MIPOL1: variants seen among roughly 807,000 people sequenced by gnomAD.
The protein encoded by MIPOL1 is mirror-image polydactyly 1.
Under a neutral mutation model 60.9 loss-of-function variants are expected in MIPOL1, and 57 were observed. The ratio of observed to expected loss-of-function variants is 0.94; its 90% confidence interval spans 0.76 to 1.17. The LOEUF (loss-of-function observed/expected upper bound fraction) is 1.17, where lower values mean the gene tolerates loss of function less well. MIPOL1 is among the 50% of genes most tolerant of loss of function. The pLI is 0.00. For synonymous variants in MIPOL1, 179 were observed against 168.8 expected (o/e 1.06, Z -0.47); for missense variants, 551 against 511.6 (o/e 1.08, Z -0.74).
intron 12 of MIPOL1, among the ~76,000 whole-genome samples, chr14:37,543,197 T>C (rs1219417840): frequency 6.6e-6 from 1 of 152,248 alleles, no homozygotes; most frequent in Non-Finnish European, 1.5e-5. Context: ...ATGCATCTCC[T>C]TCTTTCCATC....
chr14:37,317,201 A>G lies in MIPOL1; in HGVS notation c.828+8682A>G, dbSNP rs563058633. 6.6e-5 allele frequency among the ~76,000 whole-genome samples: 10 copies of G among 152,290 alleles called. No individual in the cohort carries two copies. The South Asian group carries it at 2.1e-3, about 32-fold the overall frequency. ...AAAGGGAAGTTGGGGGTGCAGTGTCATTATTAAAATGTTAGATTAATTTAG... is the reference window on the plus strand; with the variant it reads ...AAAGGGAAGTTGGGGGTGCAGTGTCGTTATTAAAATGTTAGATTAATTTAG... On this transcript the variant is annotated intron_variant, in intron 9 of 12. Coordinates refer to ENST00000684589, the MANE Select transcript of MIPOL1 (RefSeq NM_001388067.1).
In MIPOL1 at chr14:37,232,354, A is replaced by C. The variant is rs368859897; in HGVS notation, c.-198-14749A>C. Among the ~76,000 whole-genome samples, 22 of 152,218 alleles carry C rather than the reference A, an allele frequency of 1.4e-4. No homozygotes were observed. The East Asian group carries it at 4.1e-3, about 28-fold the overall frequency. ...AGCTTAACTGTTTTCTTCACAGTGTACTCTCTGTCCCTTATTAGTATCTTG... is the reference window on the plus strand; with the variant it reads ...AGCTTAACTGTTTTCTTCACAGTGTCCTCTCTGTCCCTTATTAGTATCTTG... On this transcript the variant is annotated intron_variant, in intron 1 of 12. Coordinates refer to ENST00000684589, the MANE Select transcript of MIPOL1 (RefSeq NM_001388067.1).
chr14:37,463,414 T>C (rs1467990191), intron 11 of MIPOL1, among the ~76,000 whole-genome samples: 7 of 152,084 alleles, frequency 4.6e-5, no homozygotes, highest in Non-Finnish European at 8.8e-5. Context: ...AATAGACATA[T>C]AGATCAATGG....
At chr14:37,414,643 GT>G (rs1342238212) in intron 10 of MIPOL1, among the ~76,000 whole-genome samples, 1 of 151,944 alleles carries the variant, frequency 6.6e-6, no homozygotes, top group Non-Finnish European at 1.5e-5. Context: ...TTTCTTCTTT[GT>G]TTTTGCTGAT....
chr14:37,314,367 C>A (rs2087657353), intron 9 of MIPOL1, among the ~76,000 whole-genome samples: 1 of 152,086 alleles, frequency 6.6e-6, no homozygotes, highest in African/African-American at 2.4e-5. Flanking sequence ...AAGCCTATAC[C>A]AAGCACCAAG....
chr14:37,329,471 T>C (rs1198423112), intron 9 of MIPOL1, among the ~76,000 whole-genome samples: 1 of 152,192 alleles, frequency 6.6e-6, no homozygotes, highest in Non-Finnish European at 1.5e-5. Context: ...GTTGATACTT[T>C]GATTTGTCAT....
chr14:37,300,135 A>C lies in MIPOL1; in HGVS notation c.624-7921A>C, dbSNP rs372692390. 2.6e-5 allele frequency among the ~76,000 whole-genome samples: 4 copies of C among 151,422 alleles called. No homozygotes were observed. In the South Asian group the frequency reaches 8.3e-4, roughly 32 times the overall value. On this transcript the variant is annotated intron_variant, in intron 7 of 12. Coordinates refer to ENST00000684589, the MANE Select transcript of MIPOL1 (RefSeq NM_001388067.1). ...CATCTGGCCAAGATATGGTTTGCTA[A>C]GTTTCTCCACTGTAAAGTTACTTAC...
intron 1 of MIPOL1, among the ~76,000 whole-genome samples, chr14:37,237,709 T>C (rs1226074552): frequency 6.6e-6 from 1 of 152,202 alleles, no homozygotes; most frequent in African/African-American, 2.4e-5. Flanking sequence ...AGTTTTGATC[T>C]TAAGTAGTTA....
At chr14:37,243,988 C>T (rs1457356934) in intron 1 of MIPOL1, among the ~76,000 whole-genome samples, 1 of 151,008 alleles carries the variant, frequency 6.6e-6, no homozygotes, top group Non-Finnish European at 1.5e-5. Flanking sequence ...TTGGTGAGTG[C>T]ATGTAGGAAA....
At chr14:37,279,557 C>T (rs1404564014) in intron 6 of MIPOL1, among the ~76,000 whole-genome samples, 1 of 151,896 alleles carries the variant, frequency 6.6e-6, no homozygotes, top group African/African-American at 2.4e-5. Context: ...CACATCTAAC[C>T]TAATAGATGT....
chr14:37,390,616 A>T (rs538734423), intron 10 of MIPOL1, among the ~76,000 whole-genome samples: 1 of 152,242 alleles, frequency 6.6e-6, no homozygotes, highest in South Asian at 2.1e-4. Flanking sequence ...TATAAAACAA[A>T]TGGAAATCAA....
chr14:37,459,109 C>T (rs558856290), intron 11 of MIPOL1, among the ~76,000 whole-genome samples: 5 of 151,684 alleles, frequency 3.3e-5, no homozygotes, highest in South Asian at 4.2e-4. Context: ...CCCCTAGGAA[C>T]TAGAAAAACA....
intron 12 of MIPOL1, chr14:37,502,625 A>T (rs1000619553): frequency 6.6e-6 from 1 of 152,230 alleles, no homozygotes; most frequent in East Asian, 1.9e-4. Flanking sequence ...GGTCACCAAC[A>T]TCAAAGACCA....
intron 7 of MIPOL1, among the ~76,000 whole-genome samples, chr14:37,288,480 G>C (rs1439281264): frequency 6.6e-6 from 1 of 151,992 alleles, no homozygotes; most frequent in Admixed American, 6.6e-5. Context: ...TTAATTTATA[G>C]CTACTTGTGG....
chr14:37,271,987 A>G (rs900993747), intron 6 of MIPOL1, among the ~76,000 whole-genome samples: 3 of 151,558 alleles, frequency 2.0e-5, no homozygotes, highest in Non-Finnish European at 4.4e-5. Context: ...GATACTTTAC[A>G]TATTTATTTA....
chr14:37,413,740 C>G (rs1271923191), intron 10 of MIPOL1, among the ~76,000 whole-genome samples: 2 of 152,144 alleles, frequency 1.3e-5, no homozygotes, highest in African/African-American at 4.8e-5. Flanking sequence ...CAGGTAGAAT[C>G]AAGTAGCAAC....
chr14:37,422,269 C>T (rs1413531194), intron 10 of MIPOL1, among the ~76,000 whole-genome samples: 4 of 152,020 alleles, frequency 2.6e-5, no homozygotes, highest in East Asian at 3.9e-4. Context: ...CTAGCATTTA[C>T]GGTTGCTGCC....
chr14:37,247,984 C>G, intron 3 of MIPOL1, 77 bp downstream of exon 3: 1 of 1,476,552 alleles, frequency 6.8e-7, no homozygotes, highest in Non-Finnish European at 9.4e-7. Context: ...TGTGTTTGTT[C>G]TAACCAATAT....
intron 1 of MIPOL1, among the ~76,000 whole-genome samples, chr14:37,237,034 T>A (rs1218844986): frequency 6.6e-6 from 1 of 152,028 alleles, no homozygotes; most frequent in African/African-American, 2.4e-5. Flanking sequence ...TGTCATGTGG[T>A]CACGTGTTAA....
Sources: allele counts gnomAD v4.1 joint callset (sites outside exome capture counted in the v4.1 genomes callset), GRCh38; gene constraint gnomAD v4.1.1; transcripts MANE v1.5; gene names NCBI Gene and HGNC (gene_info 2026-07-23, HGNC 2026-07-21).